The following VKORC1L1 variants were observed in gnomAD, a reference collection of about 807,000 sequenced individuals.
VKORC1L1 encodes the protein vitamin K epoxide reductase complex subunit 1-like protein 1.
A neutral mutation model predicts 18.9 loss-of-function variants in VKORC1L1; 2 were observed. The observed-to-expected ratio is 0.11, with a 90% confidence interval of 0.04 to 0.33. The LOEUF (loss-of-function observed/expected upper bound fraction) is 0.33. VKORC1L1 is among the 10% of genes least tolerant of loss of function. The probability of loss-of-function intolerance (pLI) is 1.00; values close to 1 mark genes in which losing one functional copy is unlikely to be tolerated. For missense variants in VKORC1L1, 123 were observed against 224.1 expected, an observed-to-expected ratio of 0.55 and a Z score of 2.88; for synonymous variants, 96 against 100.0, an observed-to-expected ratio of 0.96 and a Z score of 0.24.
chr7:65,895,527 A>ACACACG (rs1310536286), intron 1 of VKORC1L1, among the ~76,000 whole-genome samples: 6 of 141,082 alleles, frequency 4.3e-5, no homozygotes, highest in African/African-American at 1.5e-4. Context: ...ACACACACAC[A>ACACACG]CACACACACA....
At position 65,958,063 on chromosome 7, in the gene VKORC1L1, C is replaced by A. The variant is rs530905961; in HGVS notation, c.*3763C>A. The A allele has an allele frequency of 3.3e-5, 5 of 152,142 alleles. No homozygotes were observed. Among genetic ancestry groups the A allele is most frequent in the Non-Finnish European group, 7.3e-5 (5 of 68,028 alleles). The allele number at this position is 152,142 out of a possible 1,614,324, so 9.4% of individuals were successfully genotyped here. On this transcript the variant is annotated 3_prime_UTR_variant, in exon 3 of 3. Transcript: ENST00000360768. ...GAAAAAGACCTAATGACCTAATATG[C>A]AATTTCTGTCCTCGTGTCTTTTTCT...
rs1251183123 is a variant in VKORC1L1, at chr7:65,958,558, C to T, written c.*4258C>T. On this transcript the variant is annotated 3_prime_UTR_variant, in exon 3 of 3. Transcript: ENST00000360768. ...GAAGTTACCTGTGGAAGTTGTGCTCCCATTATTCTTAAACTGCAGGGTTGC... is the reference window on the plus strand; with the variant it reads ...GAAGTTACCTGTGGAAGTTGTGCTCTCATTATTCTTAAACTGCAGGGTTGC... 6.6e-6 allele frequency: 1 copy of T among 152,088 alleles called. No individual in the cohort carries two copies. The highest frequency in any genetic ancestry group is 1.5e-5 in the Non-Finnish European group (1 of 68,016). 9.4% of individuals were successfully genotyped at this position (152,088 alleles called of 1,614,324 possible).
Position 65,891,854 on chromosome 7 carries a change from C to A in VKORC1L1, c.194+18289C>A, listed in dbSNP as rs1201851016. On this transcript the variant is annotated intron_variant, in intron 1 of 2. Transcript: ENST00000360768. Reference sequence around the variant, plus strand: ...AGTCATTTTGAAATATAAAATAAATCATTGTTAACTGTAGTTGCCCTATTG... The same window carrying A: ...AGTCATTTTGAAATATAAAATAAATAATTGTTAACTGTAGTTGCCCTATTG... 4.6e-5 allele frequency among the ~76,000 whole-genome samples: 7 copies of A among 152,086 alleles called. No homozygotes were observed. In the East Asian group the frequency reaches 1.3e-3, roughly 29 times the overall value.
At chr7:65,879,878 G>A (rs914735138) in intron 1 of VKORC1L1, among the ~76,000 whole-genome samples, 1 of 124,276 alleles carries the variant, frequency 8.0e-6, no homozygotes. Flanking sequence ...TTGAGACATT[G>A]TCTCACTCTG....
intron 1 of VKORC1L1, among the ~76,000 whole-genome samples, chr7:65,912,211 C>T (rs896721830): frequency 6.6e-6 from 1 of 152,192 alleles, no homozygotes; most frequent in East Asian, 1.9e-4. Flanking sequence ...CATTTATAGG[C>T]GTCTACTATT....
In VKORC1L1 at chr7:65,956,284, A is replaced by G. The variant is rs1790294411; in HGVS notation, c.*1984A>G. ...GTCCTCTGGTTCTTTTTTCTAAGCT[A>G]CAGTGGAAATGGCCTAATGGTTAAA... On this transcript the variant is annotated 3_prime_UTR_variant, in exon 3 of 3. Coordinates refer to ENST00000360768, the MANE Select transcript of VKORC1L1 (RefSeq NM_173517.6). The G allele has an allele frequency of 6.6e-6, 1 of 152,228 alleles. No homozygotes were observed. The allele number at this position is 152,228 out of a possible 1,614,324, so 9.4% of individuals were successfully genotyped here. A position where few individuals can be genotyped will look rare whatever the true frequency, so the allele number is the denominator to read the frequency against.
chr7:65,904,697 T>C (rs569733756), intron 1 of VKORC1L1, among the ~76,000 whole-genome samples: 1 of 152,142 alleles, frequency 6.6e-6, no homozygotes, highest in South Asian at 2.1e-4. Flanking sequence ...GCAAGACATA[T>C]GGGGAAAGAA....
intron 1 of VKORC1L1, among the ~76,000 whole-genome samples, chr7:65,919,046 C>T (rs542750108): frequency 2.0e-5 from 3 of 152,244 alleles, no homozygotes; most frequent in South Asian, 4.1e-4. Flanking sequence ...AGTGATCGCG[C>T]CACTGCACTC....
At chr7:65,937,040 T>C (rs1789955525) in intron 1 of VKORC1L1, among the ~76,000 whole-genome samples, 1 of 152,228 alleles carries the variant, frequency 6.6e-6, no homozygotes, top group African/African-American at 2.4e-5. Context: ...GAAAGTACGC[T>C]GTCATCATGC....
At chr7:65,922,252 G>T (rs1402788313) in intron 1 of VKORC1L1, among the ~76,000 whole-genome samples, 1 of 149,966 alleles carries the variant, frequency 6.7e-6, no homozygotes, top group African/African-American at 2.4e-5. Context: ...TATCTTTGCA[G>T]TGCTTCTGTC....
intron 1 of VKORC1L1, among the ~76,000 whole-genome samples, chr7:65,884,798 G>C (rs1285990389): frequency 1.3e-5 from 2 of 152,010 alleles, no homozygotes; most frequent in Non-Finnish European, 2.9e-5. Context: ...GTTTTGATTT[G>C]CATTTTCCCC....
intron 1 of VKORC1L1, among the ~76,000 whole-genome samples, chr7:65,936,137 T>A (rs1215071688): frequency 1.4e-5 from 2 of 144,934 alleles, no homozygotes; most frequent in African/African-American, 2.6e-5. Flanking sequence ...ATAGTTTCCA[T>A]TTTTTTTTTT....
chr7:65,947,624 A>G (rs556419942), intron 1 of VKORC1L1, among the ~76,000 whole-genome samples: 1 of 152,316 alleles, frequency 6.6e-6, no homozygotes, highest in African/African-American at 2.4e-5. Context: ...GATAGGGCAT[A>G]TAATGTATCC....
rs35396314 is a variant in VKORC1L1, at chr7:65,945,264, GA to G, written c.195-3396del. 6.2e-3 allele frequency among the ~76,000 whole-genome samples: 831 copies of G among 133,092 alleles called. 6 individuals carry two copies. Among genetic ancestry groups the G allele is most frequent in the Admixed American group, 0.011 (143 of 13,212 alleles). 87.3% of individuals were successfully genotyped at this position (133,092 alleles called of 152,430 possible). ...CGACAGAGCCAGACTGTCTCAAAAA[GA>G]AAAAAAAAAATAGCAATGTAAACAT... On this transcript the variant is annotated intron_variant, in intron 1 of 2. Transcript: ENST00000360768.
intron 1 of VKORC1L1, among the ~76,000 whole-genome samples, chr7:65,895,859 T>C (rs1789200493): frequency 6.7e-6 from 1 of 150,012 alleles, no homozygotes; most frequent in Admixed American, 6.7e-5. Flanking sequence ...GAGTAGCCAT[T>C]GGGAAAAAAA....
chr7:65,878,188 G>A (rs1241249154), intron 1 of VKORC1L1, among the ~76,000 whole-genome samples: 1 of 152,146 alleles, frequency 6.6e-6, no homozygotes, highest in African/African-American at 2.4e-5. Flanking sequence ...GTTCACGCCT[G>A]TAATCCCAGC....
At position 65,958,830 on chromosome 7, in the gene VKORC1L1, C is replaced by G. The variant is rs1478058469; in HGVS notation, c.*4530C>G. 2 of 152,220 alleles carry G rather than the reference C, an allele frequency of 1.3e-5. No homozygotes were observed. The highest frequency in any genetic ancestry group is 4.8e-5 in the African/African-American group (2 of 41,438). The allele number at this position is 152,220 out of a possible 1,614,324, so 9.4% of individuals were successfully genotyped here. A position where few individuals can be genotyped will look rare whatever the true frequency, so the allele number is the denominator to read the frequency against. On this transcript the variant is annotated 3_prime_UTR_variant, in exon 3 of 3. Transcript: ENST00000360768. Reference sequence around the variant, plus strand: ...CACTGCCTACAGTTCTGTGAACACTCAGAATGTATTAATGAGCTGTTTTTC... The same window carrying G: ...CACTGCCTACAGTTCTGTGAACACTGAGAATGTATTAATGAGCTGTTTTTC...
upstream of VKORC1L1, among the ~76,000 whole-genome samples, chr7:65,869,563 G>A (rs1254869828): frequency 6.6e-6 from 1 of 150,710 alleles, no homozygotes; most frequent in African/African-American, 2.4e-5. Context: ...CGAATTGCAT[G>A]CTCATCCACA....
At chr7:65,873,040 C>G (rs975419001), upstream of VKORC1L1, among the ~76,000 whole-genome samples, 3 of 145,408 alleles carry the variant, frequency 2.1e-5, no homozygotes, top group Middle Eastern at 3.2e-3. Context: ...CCCTCGCGCG[C>G]GACCGGCCGC....
Sources: allele counts gnomAD v4.1 joint callset (sites outside exome capture counted in the v4.1 genomes callset), GRCh38; gene constraint gnomAD v4.1.1; transcripts MANE v1.5; gene names NCBI Gene and HGNC (gene_info 2026-07-23, HGNC 2026-07-21).